The following BLNK variants were observed in gnomAD, a reference collection of about 807,000 sequenced individuals.
BLNK encodes B-cell linker protein.
Under a neutral mutation model 73.5 loss-of-function variants are expected in BLNK, and 29 were observed. The ratio of observed to expected loss-of-function variants is 0.39; its 90% CI spans 0.29 to 0.54. The LOEUF is 0.54. Ranked by LOEUF, BLNK falls within the 20% of genes least tolerant of loss-of-function variation. The probability of loss-of-function intolerance (pLI) is 0.61; values close to 1 mark genes in which losing one functional copy is unlikely to be tolerated. For synonymous variants in BLNK, 176 were observed against 200.8 expected, an observed-to-expected ratio of 0.88 and a Z score of 1.04; for missense variants, 460 against 562.8, an observed-to-expected ratio of 0.82 and a Z score of 1.85.
chr10:96,262,599 A>G (rs1843808394), intron 1 of BLNK, among the ~76,000 whole-genome samples: 1 of 152,190 alleles, frequency 6.6e-6, no homozygotes. Context: ...CTCTTAAAAT[A>G]CCACGTTGGT....
In BLNK at chr10:96,249,687, G is replaced by A. The variant is rs76633354; in HGVS notation, c.48-2638C>T. Among the ~76,000 whole-genome samples the A allele has an allele frequency of 3.5e-3, 531 of 152,350 alleles. 10 individuals carry two copies. Among genetic ancestry groups the A allele is most frequent in the African/African-American group, 0.012 (515 of 41,576 alleles). On this transcript the variant is annotated intron_variant, in intron 1 of 16. Transcript: ENST00000224337. ...ACAAACCTGAGGGATTTTCAGTGGT[G>A]GGGGTTTGGGCGATGGCAGGGGGTG... is the stretch of plus-strand genomic sequence containing the variant.
chr10:96,255,149 A>G (rs782775435), intron 1 of BLNK, among the ~76,000 whole-genome samples: 21 of 152,306 alleles, frequency 1.4e-4, no homozygotes, highest in South Asian at 8.3e-4. Flanking sequence ...ACAGAAGGGT[A>G]TCTGCAGACT....
intron 8 of BLNK, among the ~76,000 whole-genome samples, chr10:96,211,878 G>GT (rs1554898752): frequency 2.0e-5 from 3 of 152,146 alleles, no homozygotes; most frequent in African/African-American, 7.2e-5. Context: ...GACTGCAATA[G>GT]AATTTGATGG....
At chr10:96,229,898 C>T (rs1842431979) in intron 4 of BLNK, among the ~76,000 whole-genome samples, 2 of 152,138 alleles carry the variant, frequency 1.3e-5, no homozygotes. Flanking sequence ...GTAGTGTGCA[C>T]AGCCCAGGGC....
intron 10 of BLNK, among the ~76,000 whole-genome samples, chr10:96,207,638 A>T (rs1554897734): frequency 6.6e-6 from 1 of 152,128 alleles, no homozygotes; most frequent in Non-Finnish European, 1.5e-5. Flanking sequence ...TGCTGCGCAC[A>T]CTCAGTGAAG....
chr10:96,202,898 T>C (rs1235548676), intron 13 of BLNK, among the ~76,000 whole-genome samples: 3 of 152,244 alleles, frequency 2.0e-5, no homozygotes, highest in East Asian at 1.9e-4. Context: ...TGAGCTATTA[T>C]GCCCATTTTA....
chr10:96,241,667 T>A (rs1842882848), intron 3 of BLNK, among the ~76,000 whole-genome samples: 1 of 152,150 alleles, frequency 6.6e-6, no homozygotes, highest in South Asian at 2.1e-4. Flanking sequence ...TCATTAGTGC[T>A]GCTGTGGAAT....
At chr10:96,245,218 G>A (rs1843001983) in intron 2 of BLNK, among the ~76,000 whole-genome samples, 1 of 152,098 alleles carries the variant, frequency 6.6e-6, no homozygotes, top group Non-Finnish European at 1.5e-5. Context: ...ACCACCAAAA[G>A]TGATTTCTTA....
chr10:96,262,032 A>G (rs1843780107), intron 1 of BLNK, among the ~76,000 whole-genome samples: 1 of 152,108 alleles, frequency 6.6e-6, no homozygotes, highest in Non-Finnish European at 1.5e-5. Flanking sequence ...ACTCCCGTTT[A>G]CTTAGGTGTG....
intron 11 of BLNK, among the ~76,000 whole-genome samples, chr10:96,206,333 CT>C (rs1188809145): frequency 6.6e-6 from 1 of 152,084 alleles, no homozygotes; most frequent in East Asian, 1.9e-4. Context: ...GATGATTCTT[CT>C]ATTTTTTTCC....
chr10:96,219,978 G>T (rs2084157077), intron 6 of BLNK, among the ~76,000 whole-genome samples: 1 of 152,328 alleles, frequency 6.6e-6, no homozygotes, highest in South Asian at 2.1e-4. Context: ...CACCTGTACA[G>T]TAAGGAGCAG....
chr10:96,233,278 A>G (rs1842573459), intron 3 of BLNK, among the ~76,000 whole-genome samples: 1 of 152,196 alleles, frequency 6.6e-6, no homozygotes, highest in Non-Finnish European at 1.5e-5. Context: ...GTGGGGGCCT[A>G]TTTTATGATC....
At chr10:96,253,303 G>A (rs73318827) in intron 1 of BLNK, among the ~76,000 whole-genome samples, 5,128 of 152,196 alleles carry the variant, frequency 0.034, 293 homozygotes, top group African/African-American at 0.12. Context: ...CCAAGTAGGC[G>A]TGACAAGAAG....
rs2084068690 is a variant in BLNK at position 96,216,487 on chromosome 10, A to G, written c.607+166T>C. On this transcript the variant is annotated intron_variant, in intron 7 of 16. Coordinates refer to ENST00000224337, the MANE Select transcript of BLNK (RefSeq NM_013314.4). ...CTATGATACACAGAGATGGGTTGTCACTGATGCTGTCTGCCCAACCAGCCA... is the reference window on the plus strand; with the variant it reads ...CTATGATACACAGAGATGGGTTGTCGCTGATGCTGTCTGCCCAACCAGCCA... 8 of 680,396 alleles carry G rather than the reference A, an allele frequency of 1.2e-5. No individual in the cohort carries two copies. In the East Asian group the frequency reaches 2.2e-4, roughly 19 times the overall value. 42.1% of individuals were successfully genotyped at this position (680,396 alleles called of 1,614,324 possible).
chr10:96,193,177 T>A (rs1554893906), intron 16 of BLNK, among the ~76,000 whole-genome samples: 1 of 152,242 alleles, frequency 6.6e-6, no homozygotes, highest in East Asian at 1.9e-4. Flanking sequence ...TATTCTTTAC[T>A]TCCTATTCAA....
chr10:96,222,344 A>C (rs983453666), intron 6 of BLNK, among the ~76,000 whole-genome samples: 5 of 152,328 alleles, frequency 3.3e-5, no homozygotes, highest in Admixed American at 2.6e-4. Context: ...ACATGTGTGT[A>C]AGCCATAAGT....
intron 3 of BLNK, among the ~76,000 whole-genome samples, chr10:96,241,734 CTTTT>C (rs34238526): frequency 2.8e-5 from 4 of 142,498 alleles, no homozygotes; most frequent in Non-Finnish European, 3.1e-5. Flanking sequence ...TCTTTTCTTT[CTTTT>C]TTTTTTTTTT....
rs782078237 is a variant in BLNK, at chr10:96,209,822, T to G, written c.746+16A>C. The G allele has an allele frequency of 1.9e-6, 3 of 1,614,182 alleles. No homozygotes were observed. The highest frequency in any genetic ancestry group is 2.5e-6 in the Non-Finnish European group (3 of 1,179,998). The stretch of plus-strand genomic sequence containing the variant: ...TCCCCAGATCTCAAAAGCTGCTTCC[T>G]GCAACAGGTACTTACCCGGCCCGTG... On this transcript the variant is annotated intron_variant, in intron 9 of 16. Coordinates refer to ENST00000224337, the MANE Select transcript of BLNK (RefSeq NM_013314.4).
At chr10:96,255,900 T>G (rs936641732) in intron 1 of BLNK, among the ~76,000 whole-genome samples, 4 of 152,252 alleles carry the variant, frequency 2.6e-5, no homozygotes, top group African/African-American at 9.6e-5. Flanking sequence ...CCCCGGTATC[T>G]ACTGAATCAA....
Sources: allele counts gnomAD v4.1 joint callset (sites outside exome capture counted in the v4.1 genomes callset), GRCh38; gene constraint gnomAD v4.1.1; transcripts MANE v1.5; gene names NCBI Gene and HGNC (gene_info 2026-07-23, HGNC 2026-07-21).